PCNX1: variants seen among roughly 807,000 people sequenced by gnomAD.
The protein encoded by PCNX1 is pecanex 1.
PCNX1 carries 78 observed loss-of-function variants against 242.2 expected under a neutral mutation model. That is an observed-to-expected ratio of 0.32 (90% CI 0.27 to 0.39). PCNX1 has a LOEUF of 0.39. Among genes scored for constraint, PCNX1 ranks in the 10% least tolerant of loss-of-function variants. The probability of loss-of-function intolerance (pLI) is 1.00; values close to 1 mark genes in which losing one functional copy is unlikely to be tolerated. For missense variants in PCNX1, 2,581 were observed against 2,856.5 expected (o/e 0.90, Z 2.20); for synonymous variants, 1,024 against 1,032.9 (o/e 0.99, Z 0.17).
chr14:71,088,987 C>A (rs1234177444), intron 29 of PCNX1, among the ~76,000 whole-genome samples: 1 of 152,020 alleles, frequency 6.6e-6, no homozygotes, highest in Non-Finnish European at 1.5e-5. Flanking sequence ...TTCATGGACT[C>A]ACTATTACAG....
At chr14:70,964,132 T>C (rs1214862280) in intron 3 of PCNX1, among the ~76,000 whole-genome samples, 2 of 152,174 alleles carry the variant, frequency 1.3e-5, no homozygotes, top group African/African-American at 4.8e-5. Flanking sequence ...AATGGCACAA[T>C]CTTGGCTCAC....
intron 7 of PCNX1, among the ~76,000 whole-genome samples, 184 bp from the exon 8 acceptor site, chr14:70,995,557 G>T (rs931234606): frequency 2.0e-5 from 3 of 152,140 alleles, no homozygotes; most frequent in Non-Finnish European, 4.4e-5. Context: ...AATCAAATTT[G>T]TAAGGACCAG....
At chr14:71,046,182 C>T (rs1442951881) in intron 20 of PCNX1, among the ~76,000 whole-genome samples, 1 of 151,866 alleles carries the variant, frequency 6.6e-6, no homozygotes, top group Admixed American at 6.6e-5. Context: ...TCTTTATTGG[C>T]CCATTTATAC....
chr14:71,008,662 A>C (rs1270520133), intron 8 of PCNX1, among the ~76,000 whole-genome samples: 4 of 149,252 alleles, frequency 2.7e-5, no homozygotes, highest in African/African-American at 9.9e-5. Context: ...TCTCAAAAAA[A>C]AAAAAAAAAA....
chr14:71,018,512 ATTCT>A (rs2060015563), intron 11 of PCNX1, among the ~76,000 whole-genome samples: 2 of 152,096 alleles, frequency 1.3e-5, no homozygotes, highest in South Asian at 4.1e-4. Flanking sequence ...GAGTTTTCTA[ATTCT>A]TTCAGATGAC....
chr14:70,940,962 T>G (rs1270621368), intron 1 of PCNX1, among the ~76,000 whole-genome samples: 1 of 152,194 alleles, frequency 6.6e-6, no homozygotes, highest in Non-Finnish European at 1.5e-5. Context: ...CATGCCATGG[T>G]TTTCAGCTCC....
chr14:70,947,924 G>A (rs2140311887), intron 2 of PCNX1, among the ~76,000 whole-genome samples: 1 of 152,338 alleles, frequency 6.6e-6, no homozygotes, highest in Non-Finnish European at 1.5e-5. Flanking sequence ...GCCACTCTGG[G>A]AGTGTCTGTC....
intron 1 of PCNX1, among the ~76,000 whole-genome samples, chr14:70,939,955 G>GT (rs891525316): frequency 4.6e-5 from 7 of 151,080 alleles, no homozygotes; most frequent in African/African-American, 9.7e-5. Flanking sequence ...TTGCAACCTT[G>GT]TTTTTTTTGT....
At chr14:71,009,750 G>T (rs1029733765) in intron 9 of PCNX1, 26 bp downstream of exon 9, 2 of 1,307,134 alleles carry the variant, frequency 1.5e-6, no homozygotes, top group Non-Finnish European at 2.2e-6. Context: ...TATTAGGAGT[G>T]TGTGTACTTT....
intron 26 of PCNX1, among the ~76,000 whole-genome samples, chr14:71,060,117 A>C (rs2061287633): frequency 6.6e-6 from 1 of 152,186 alleles, no homozygotes; most frequent in Admixed American, 6.5e-5. Context: ...GCAGCAATGG[A>C]CTGCACATAT....
chr14:71,072,907 C>T (rs538759211), intron 26 of PCNX1, among the ~76,000 whole-genome samples: 3 of 152,184 alleles, frequency 2.0e-5, no homozygotes, highest in Non-Finnish European at 4.4e-5. Flanking sequence ...GGAGATGTGC[C>T]TTTACTCTTT....
chr14:70,978,174 A>G lies in PCNX1; in HGVS notation c.1837A>G (p.Ser613Gly), dbSNP rs761481187. 23 of 1,614,022 alleles carry G rather than the reference A, an allele frequency of 1.4e-5. No individual in the cohort carries two copies. The highest frequency in any genetic ancestry group is 6.6e-5 in the South Asian group (6 of 91,084). ...TCAGAGTGACTTGAGTAGAGCATCA[A>G]GTGTTCAGTCTGCTCACCAGTTCAG... ...SDQSDLSRASSVQSAHQFSSD... is the reference protein window; with the variant it reads ...SDQSDLSRASGVQSAHQFSSD... Residue 613 changes from serine (S) to glycine (G), a missense_variant, in exon 6 of 36, where the codon AGT becomes GGT. Physicochemically the swap from Ser to Gly is moderately conservative, Grantham distance 56. Coordinates refer to ENST00000304743, the MANE Select transcript of PCNX1 (RefSeq NM_014982.3).
intron 28 of PCNX1, among the ~76,000 whole-genome samples, chr14:71,086,681 G>A (rs1291565758): frequency 3.9e-5 from 6 of 152,164 alleles, no homozygotes; most frequent in Non-Finnish European, 8.8e-5. Context: ...TGCTGTTGCC[G>A]TAGATCTCCG....
At chr14:70,912,008 A>G (rs1439868954) in intron 1 of PCNX1, among the ~76,000 whole-genome samples, 1 of 152,160 alleles carries the variant, frequency 6.6e-6, no homozygotes, top group Non-Finnish European at 1.5e-5. Context: ...CGAGGCAGGC[A>G]GATCATCACG....
At chr14:71,101,770 G>A (rs1389539924) in intron 30 of PCNX1, among the ~76,000 whole-genome samples, 4 of 152,116 alleles carry the variant, frequency 2.6e-5, no homozygotes, top group African/African-American at 7.2e-5. Context: ...AGAACTTAGA[G>A]GAGAGGGTTG....
intron 8 of PCNX1, among the ~76,000 whole-genome samples, chr14:70,996,230 T>C (rs368208140): frequency 2.6e-5 from 4 of 152,124 alleles, no homozygotes; most frequent in Admixed American, 6.5e-5. Context: ...GGAGAAAACG[T>C]TGACTTTTTT....
At chr14:70,970,281 G>A (rs1408938949) in intron 5 of PCNX1, among the ~76,000 whole-genome samples, 3 of 151,802 alleles carry the variant, frequency 2.0e-5, no homozygotes, top group Non-Finnish European at 4.4e-5. Flanking sequence ...TGGGAGGATC[G>A]CTTGATCCCA....
intron 11 of PCNX1, among the ~76,000 whole-genome samples, chr14:71,016,632 A>T (rs540865967): frequency 3.9e-5 from 6 of 152,300 alleles, no homozygotes; most frequent in African/African-American, 1.4e-4. Flanking sequence ...TAAATAACCC[A>T]TGGATTAGAG....
intron 26 of PCNX1, among the ~76,000 whole-genome samples, chr14:71,066,471 T>A (rs2061449878): frequency 6.6e-6 from 1 of 152,234 alleles, no homozygotes; most frequent in Admixed American, 6.5e-5. Flanking sequence ...ATCCTGAGAC[T>A]TTGCTGAAGT....
Sources: gnomAD v4.1 joint callset for allele counts (sites outside exome capture counted in the v4.1 genomes callset) on GRCh38, gnomAD v4.1.1 for gene constraint, MANE v1.5 for transcripts, NCBI Gene and HGNC (gene_info 2026-07-23, HGNC 2026-07-21) for gene names.